Variants in BRIP1 observed in about 807,000 individuals in gnomAD.
BRIP1 encodes the protein BRCA1 interacting DNA helicase 1.
In BRIP1, 88 loss-of-function variants were observed where a neutral mutation model predicts 119.7. The ratio of observed to expected loss-of-function variants is 0.74; its 90% confidence interval spans 0.62 to 0.88. The LOEUF (loss-of-function observed/expected upper bound fraction) is 0.88. Among genes scored for constraint, BRIP1 ranks in the 40% least tolerant of loss-of-function variants. The pLI, the probability that BRIP1 is intolerant of heterozygous loss-of-function variation, is 0.00. For synonymous variants in BRIP1, 443 were observed against 496.5 expected (o/e 0.89, Z 1.43); for missense variants, 1,259 against 1,455.4 (o/e 0.87, Z 2.20).
chr17:61,811,225 T>C (rs1325545219), intron 6 of BRIP1, among the ~76,000 whole-genome samples: 1 of 152,090 alleles, frequency 6.6e-6, no homozygotes, highest in East Asian at 1.9e-4. Flanking sequence ...TGTTTTTCTT[T>C]TTGTTTTGCT....
At position 61,744,613 on chromosome 17, in the gene BRIP1, A is replaced by G. The variant is rs114505031; in HGVS notation, c.2098-22T>C. On this transcript the variant is annotated intron_variant, in intron 14 of 19. Coordinates refer to ENST00000259008, the MANE Select transcript of BRIP1 (RefSeq NM_032043.3). This position sits in a 1 kb window ranked among gnomAD's most constrained non-coding sequence, Gnocchi z 5.0. Reference sequence around the variant, plus strand: ...ATAACTAAAGAGGGGAAAGAAAAAAATGATTTTTTGTGTGTCTAGCTAAAC... The same window carrying G: ...ATAACTAAAGAGGGGAAAGAAAAAAGTGATTTTTTGTGTGTCTAGCTAAAC... 1.1e-3 allele frequency: 1,843 copies of G among 1,607,874 alleles called. 18 individuals carry two copies. The African/African-American group carries it at 0.022, about 19-fold the overall frequency.
chr17:61,830,374 T>G (rs2078475732), intron 6 of BRIP1, among the ~76,000 whole-genome samples: 1 of 143,430 alleles, frequency 7.0e-6, no homozygotes, highest in African/African-American at 2.6e-5. Flanking sequence ...TTTTAAAAGA[T>G]CAATAAAATG....
rs759307986 is a variant in BRIP1, at chr17:61,704,867, T to C, written c.2492+11084A>G. Among the ~76,000 whole-genome samples the C allele has an allele frequency of 7.2e-5, 11 of 152,178 alleles. No individual in the cohort carries two copies. Among genetic ancestry groups the C allele is most frequent in the Non-Finnish European group, 1.5e-4 (10 of 68,024 alleles). On this transcript the variant is annotated intron_variant, in intron 17 of 19. Coordinates refer to ENST00000259008, the MANE Select transcript of BRIP1 (RefSeq NM_032043.3). The surrounding 1 kb of genome is among the most constrained non-coding windows in gnomAD (Gnocchi z 5.7). ...TAACTGTGGCTTCTCTTTTTTTTCT[T>C]TGTTAATTTTGCTAGAGGTTTATCA...
intron 16 of BRIP1, among the ~76,000 whole-genome samples, chr17:61,737,169 A>G (rs75409297): frequency 0.047 from 7,160 of 152,262 alleles, 660 homozygotes; most frequent in East Asian, 0.45. Context: ...AGGAACAAAA[A>G]GCACATGACA....
intron 14 of BRIP1, among the ~76,000 whole-genome samples, chr17:61,765,710 C>T (rs1300281758): frequency 2.0e-5 from 3 of 151,226 alleles, no homozygotes; most frequent in Non-Finnish European, 4.4e-5. Context: ...GCTGGGATTA[C>T]AGGCATGAGC....
In BRIP1 at chr17:61,770,671, AAAATT is replaced by A. The variant is rs2077435370; in HGVS notation, c.2097+5725_2097+5729del. Among the ~76,000 whole-genome samples the A allele has an allele frequency of 1.3e-5, 2 of 152,216 alleles. No individual in the cohort carries two copies. The highest frequency in any genetic ancestry group is 1.3e-4 in the Admixed American group (2 of 15,284). ...GGATTAAAGCTTCTGCATTCTATTG[AAAATT>A]AAATTAGTATTAATCCAAACTACAT... On this transcript the variant is annotated intron_variant, in intron 14 of 19. Transcript: ENST00000259008. The surrounding 1 kb of genome is among the most constrained non-coding windows in gnomAD (Gnocchi z 4.7).
rs915280987 is a variant in BRIP1, at chr17:61,703,062, T to TTTTG, written c.2493-9554_2493-9551dup. Among the ~76,000 whole-genome samples the TTTTG allele has an allele frequency of 2.6e-5, 4 of 151,950 alleles. No homozygotes were observed. The highest frequency in any genetic ancestry group is 9.7e-5 in the African/African-American group (4 of 41,384). On this transcript the variant is annotated intron_variant, in intron 17 of 19. Transcript: ENST00000259008. This position sits in a 1 kb window ranked among gnomAD's most constrained non-coding sequence, Gnocchi z 5.0. Reference sequence around the variant, plus strand: ...ATTGTGTATGTATGTGTTTTTTTGTTTTTGTTTGTTTGTTTGTTTTGAGAC... The same window carrying TTTTG: ...ATTGTGTATGTATGTGTTTTTTTGTTTTTGTTTGTTTGTTTGTTTGTTTTGAGAC...
rs202211139 is a variant in BRIP1 at position 61,781,705 on chromosome 17, G to A, written c.1629-700C>T. Among the ~76,000 whole-genome samples, 17 of 151,906 alleles carry A rather than the reference G, an allele frequency of 1.1e-4. No homozygotes were observed. The East Asian group carries it at 2.9e-3, about 26-fold the overall frequency. On this transcript the variant is annotated intron_variant, in intron 11 of 19. Coordinates refer to ENST00000259008, the MANE Select transcript of BRIP1 (RefSeq NM_032043.3). ...TGGGAGGCCGAGGCAGGTGGATCAC[G>A]AGGTCAGGAGTTCGAGACCAGCCTG...
At chr17:61,728,268 A>C (rs905634722) in intron 16 of BRIP1, among the ~76,000 whole-genome samples, 11 of 151,750 alleles carry the variant, frequency 7.2e-5, no homozygotes, top group Non-Finnish European at 1.3e-4. Context: ...TTGATAACTC[A>C]TGCTTTATCT....
At chr17:61,839,584 T>C (rs1449175431) in intron 6 of BRIP1, among the ~76,000 whole-genome samples, 1 of 152,166 alleles carries the variant, frequency 6.6e-6, no homozygotes, top group Non-Finnish European at 1.5e-5. Context: ...ATATATCTCT[T>C]ACATCTTCTT....
At position 61,798,191 on chromosome 17, in the gene BRIP1, A is replaced by T. The variant is rs1386951486; in HGVS notation, c.1340+909T>A. On this transcript the variant is annotated intron_variant, in intron 9 of 19. Transcript: ENST00000259008. This position sits in a 1 kb window ranked among gnomAD's most constrained non-coding sequence, Gnocchi z 5.5. ...AAACTATTGCATATCTATCTAATGG[A>T]ATTCTAGATATCTATTTTTTTTTTA... Among the ~76,000 whole-genome samples, 1 of 152,014 alleles carries T rather than the reference A, an allele frequency of 6.6e-6. No individual in the cohort carries two copies. The highest frequency in any genetic ancestry group is 2.4e-5 in the African/African-American group (1 of 41,430).
At chr17:61,697,543 A>G (rs1239864173) in intron 17 of BRIP1, among the ~76,000 whole-genome samples, 2 of 152,056 alleles carry the variant, frequency 1.3e-5, no homozygotes, top group African/African-American at 2.4e-5. Flanking sequence ...TTAGTGAATT[A>G]GAACTTCTCT....
rs796969125 is a variant in BRIP1 at position 61,815,136 on chromosome 17, G to A, written c.628-6379C>T. Among the ~76,000 whole-genome samples the A allele has an allele frequency of 1.4e-5, 2 of 147,888 alleles. No homozygotes were observed. The highest frequency in any genetic ancestry group is 1.5e-5 in the Non-Finnish European group (1 of 67,314). The stretch of plus-strand genomic sequence containing the variant: ...CTGGAAAAAAAAAAAAAAACCCACA[G>A]TAAATATACTCTGTTCTGGTTTCTC... On this transcript the variant is annotated intron_variant, in intron 6 of 19. Transcript: ENST00000259008. The surrounding 1 kb of genome is among the most constrained non-coding windows in gnomAD (Gnocchi z 4.1).
chr17:61,759,372 A>G lies in BRIP1; in HGVS notation c.2098-14781T>C, dbSNP rs1214114508. Among the ~76,000 whole-genome samples the G allele has an allele frequency of 4.6e-5, 7 of 152,192 alleles. No homozygotes were observed. Among genetic ancestry groups the G allele is most frequent in the Non-Finnish European group, 1.0e-4 (7 of 68,024 alleles). ...AAAAAGGTCAATTCATCAAGAGGATATAACAATTGTAAATACACATGCACC... is the reference window on the plus strand; with the variant it reads ...AAAAAGGTCAATTCATCAAGAGGATGTAACAATTGTAAATACACATGCACC... On this transcript the variant is annotated intron_variant, in intron 14 of 19. Coordinates refer to ENST00000259008, the MANE Select transcript of BRIP1 (RefSeq NM_032043.3). This position sits in a 1 kb window ranked among gnomAD's most constrained non-coding sequence, Gnocchi z 4.9.
rs1603365819 is a variant in BRIP1, at chr17:61,856,144, T to A, written c.379+914A>T. 6.6e-6 allele frequency among the ~76,000 whole-genome samples: 1 copy of A among 152,350 alleles called. No individual in the cohort carries two copies. Among genetic ancestry groups the A allele is most frequent in the East Asian group, 1.9e-4 (1 of 5,178 alleles). Reference sequence around the variant, plus strand: ...CCAAAAGGCCAAAATCAAAACAATGTAGACAACACTATTGGTCACCTATTT... The same window carrying A: ...CCAAAAGGCCAAAATCAAAACAATGAAGACAACACTATTGGTCACCTATTT... On this transcript the variant is annotated intron_variant, in intron 4 of 19. Transcript: ENST00000259008. This position sits in a 1 kb window ranked among gnomAD's most constrained non-coding sequence, Gnocchi z 5.1.
chr17:61,814,186 C>G lies in BRIP1; in HGVS notation c.628-5429G>C, dbSNP rs188681892. On this transcript the variant is annotated intron_variant, in intron 6 of 19. Transcript: ENST00000259008. This position sits in a 1 kb window ranked among gnomAD's most constrained non-coding sequence, Gnocchi z 4.9. Reference sequence around the variant, plus strand: ...TCCATAGGAAGATATCTTTTATGATCGAAATGTAGAGAAGGATTTCCTAAA... The same window carrying G: ...TCCATAGGAAGATATCTTTTATGATGGAAATGTAGAGAAGGATTTCCTAAA... Among the ~76,000 whole-genome samples, 79 of 151,972 alleles carry G rather than the reference C, an allele frequency of 5.2e-4. No individual in the cohort carries two copies. Among genetic ancestry groups the G allele is most frequent in the Non-Finnish European group, 4.4e-5 (3 of 67,874 alleles).
rs2078336281 is a variant in BRIP1, at chr17:61,822,210, T to C, written c.628-13453A>G. Among the ~76,000 whole-genome samples, 1 of 152,202 alleles carries C rather than the reference T, an allele frequency of 6.6e-6. No homozygotes were observed. Among genetic ancestry groups the C allele is most frequent in the Admixed American group, 6.5e-5 (1 of 15,286 alleles). On this transcript the variant is annotated intron_variant, in intron 6 of 19. Coordinates refer to ENST00000259008, the MANE Select transcript of BRIP1 (RefSeq NM_032043.3). This position sits in a 1 kb window ranked among gnomAD's most constrained non-coding sequence, Gnocchi z 4.4. The stretch of plus-strand genomic sequence containing the variant: ...AGAAGAAGAAAAGCTATTTGACGAA[T>C]AGACTGATAATGGGATTCTCATCAT...
rs983738613 is a variant in BRIP1 at position 61,761,954 on chromosome 17, A to C, written c.2097+14447T>G. ...ACAAGAAGCTTTGAATAGCCATGGC[A>C]GTCATGAGTAAAAAGAACAAAAATG... On this transcript the variant is annotated intron_variant, in intron 14 of 19. Coordinates refer to ENST00000259008, the MANE Select transcript of BRIP1 (RefSeq NM_032043.3). This position sits in a 1 kb window ranked among gnomAD's most constrained non-coding sequence, Gnocchi z 6.4. 6.6e-6 allele frequency among the ~76,000 whole-genome samples: 1 copy of C among 152,120 alleles called. No individual in the cohort carries two copies. Among genetic ancestry groups the C allele is most frequent in the African/African-American group, 2.4e-5 (1 of 41,444 alleles).
At chr17:61,765,424 T>TATA (rs71150697) in intron 14 of BRIP1, among the ~76,000 whole-genome samples, 1 of 8,652 alleles carries the variant, frequency 1.2e-4, no homozygotes, top group Non-Finnish European at 1.8e-4. Context: ...TATATATATA[T>TATA]TTTTTTTTTT....
Sources: allele counts gnomAD v4.1 joint callset (sites outside exome capture counted in the v4.1 genomes callset), GRCh38; gene constraint gnomAD v4.1.1; non-coding constraint Gnocchi (gnomAD v3.1); transcripts MANE v1.5; gene names NCBI Gene and HGNC (gene_info 2026-07-23, HGNC 2026-07-21).